CACNA2D1: variants seen among roughly 807,000 people sequenced by gnomAD.
CACNA2D1 encodes voltage-dependent calcium channel subunit alpha-2/delta-1.
In CACNA2D1, 53 loss-of-function variants were observed where a neutral mutation model predicts 171.5. That is an observed-to-expected ratio of 0.31 (90% CI 0.25 to 0.39). The LOEUF is 0.39. Ranked by LOEUF, CACNA2D1 falls within the 10% of genes least tolerant of loss-of-function variation. The pLI is 1.00. For missense variants in CACNA2D1, 903 were observed against 1,299.8 expected (o/e 0.69, Z 4.69); for synonymous variants, 442 against 443.1 (o/e 1.00, Z 0.03).
intron 6 of CACNA2D1, among the ~76,000 whole-genome samples, chr7:82,088,263 T>G (rs2129015492): frequency 6.6e-6 from 1 of 152,280 alleles, no homozygotes; most frequent in Non-Finnish European, 1.5e-5. Context: ...TCTCCTGTTT[T>G]CCTGACACTG....
intron 4 of CACNA2D1, among the ~76,000 whole-genome samples, chr7:82,140,701 G>T (rs1013124148): frequency 1.3e-5 from 2 of 151,916 alleles, no homozygotes; most frequent in Non-Finnish European, 2.9e-5. Flanking sequence ...CATGCCTGTA[G>T]TCCCAGCAGT....
At chr7:82,255,971 C>T (rs778070663) in intron 3 of CACNA2D1, among the ~76,000 whole-genome samples, 36 of 152,212 alleles carry the variant, frequency 2.4e-4, no homozygotes, top group Middle Eastern at 3.4e-3. Context: ...GTGACAGAAG[C>T]CATGAACTAA....
intron 1 of CACNA2D1, among the ~76,000 whole-genome samples, chr7:82,358,900 T>C (rs1820769262): frequency 6.6e-6 from 1 of 152,186 alleles, no homozygotes; most frequent in African/African-American, 2.4e-5. Context: ...CTTTATTTTC[T>C]TCCTCAGCTG....
intron 11 of CACNA2D1, among the ~76,000 whole-genome samples, chr7:82,034,163 T>C (rs1222523145): frequency 6.6e-6 from 1 of 152,098 alleles, no homozygotes; most frequent in African/African-American, 2.4e-5. Context: ...ACACAACATA[T>C]CATTTCAGAT....
intron 1 of CACNA2D1, among the ~76,000 whole-genome samples, chr7:82,374,938 T>A (rs897419496): frequency 6.7e-6 from 1 of 148,914 alleles, no homozygotes; most frequent in African/African-American, 2.6e-5. Flanking sequence ...AAATAAGGGA[T>A]CTCTCTAAAG....
intron 6 of CACNA2D1, among the ~76,000 whole-genome samples, chr7:82,115,621 T>C (rs964043222): frequency 1.3e-5 from 2 of 151,882 alleles, no homozygotes; most frequent in Non-Finnish European, 2.9e-5. Flanking sequence ...AAAACAGTGG[T>C]ACTTTTAAAA....
chr7:82,443,503 G>A lies in CACNA2D1; in HGVS notation c.-44C>T. 6.3e-7 allele frequency: 1 copy of A among 1,595,108 alleles called. No homozygotes were observed. On this transcript the variant is annotated 5_prime_UTR_variant, in exon 1 of 39. Coordinates refer to ENST00000356860, the MANE Select transcript of CACNA2D1 (RefSeq NM_000722.4). The stretch of plus-strand genomic sequence containing the variant: ...ATGCCCCCTCCCTGCCCAAGCGGGG[G>A]AAGGAGCGGCGCTGGAAACCGCGGG...
At chr7:82,352,686 C>T (rs948510302) in intron 1 of CACNA2D1, among the ~76,000 whole-genome samples, 4 of 152,048 alleles carry the variant, frequency 2.6e-5, no homozygotes, top group African/African-American at 7.2e-5. Context: ...AGAGCCAATG[C>T]TTAGTAAGTA....
chr7:82,316,056 T>C (rs1349819807), intron 3 of CACNA2D1, among the ~76,000 whole-genome samples: 1 of 152,032 alleles, frequency 6.6e-6, no homozygotes, highest in East Asian at 1.9e-4. Flanking sequence ...AAAAATCTAA[T>C]ATGTATTTTA....
chr7:82,237,409 A>G (rs1803729404), intron 3 of CACNA2D1, among the ~76,000 whole-genome samples: 1 of 151,934 alleles, frequency 6.6e-6, no homozygotes, highest in African/African-American at 2.4e-5. Flanking sequence ...ACACACAGAT[A>G]TATACTTATA....
intron 4 of CACNA2D1, among the ~76,000 whole-genome samples, chr7:82,141,813 TG>T (rs562288273): frequency 3.4e-4 from 52 of 152,328 alleles, no homozygotes; most frequent in Non-Finnish European, 5.7e-4. Flanking sequence ...TGAGCATATG[TG>T]TTTCTTTCTT....
intron 1 of CACNA2D1, among the ~76,000 whole-genome samples, chr7:82,368,396 G>A (rs1821991041): frequency 6.6e-6 from 1 of 152,200 alleles, no homozygotes; most frequent in South Asian, 2.1e-4. Flanking sequence ...AGCTCATTAA[G>A]TTCTGTGAAG....
chr7:81,978,737 A>T (rs1394231532), intron 24 of CACNA2D1, among the ~76,000 whole-genome samples: 3 of 133,922 alleles, frequency 2.2e-5, no homozygotes, highest in South Asian at 2.5e-4. Flanking sequence ...GTTAAAGTAA[A>T]TTTTTTTTAA....
At chr7:82,265,167 G>GATA (rs1807662439) in intron 3 of CACNA2D1, among the ~76,000 whole-genome samples, 1 of 152,132 alleles carries the variant, frequency 6.6e-6, no homozygotes, top group South Asian at 2.1e-4. Flanking sequence ...TCTGACAGGC[G>GATA]ATACATGGCT....
intron 3 of CACNA2D1, among the ~76,000 whole-genome samples, chr7:82,193,314 C>T (rs1020429270): frequency 8.6e-5 from 13 of 151,942 alleles, no homozygotes; most frequent in East Asian, 1.9e-4. Flanking sequence ...ATGGCAACAT[C>T]ACAATAAAAA....
At chr7:82,162,025 A>C (rs1794995264) in intron 4 of CACNA2D1, among the ~76,000 whole-genome samples, 1 of 152,116 alleles carries the variant, frequency 6.6e-6, no homozygotes, top group Admixed American at 6.6e-5. Context: ...GTTTGAAGAA[A>C]GGAAATACAG....
At chr7:82,069,417 G>A (rs1170635943) in intron 7 of CACNA2D1, among the ~76,000 whole-genome samples, 2 of 152,116 alleles carry the variant, frequency 1.3e-5, no homozygotes, top group African/African-American at 2.4e-5. Context: ...CAATGTAGAC[G>A]TCTCTTTTTT....
At chr7:82,387,230 G>A (rs1824511837) in intron 1 of CACNA2D1, among the ~76,000 whole-genome samples, 1 of 152,004 alleles carries the variant, frequency 6.6e-6, no homozygotes, top group Non-Finnish European at 1.5e-5. Context: ...ATAGAAAATA[G>A]TACTAACAAA....
chr7:81,969,558 C>T (rs1795053050), intron 28 of CACNA2D1, among the ~76,000 whole-genome samples: 1 of 151,236 alleles, frequency 6.6e-6, no homozygotes, highest in South Asian at 2.1e-4. Flanking sequence ...TGGAATTACT[C>T]TATTTAATTC....
Sources: gnomAD v4.1 joint callset for allele counts (sites outside exome capture counted in the v4.1 genomes callset) on GRCh38, gnomAD v4.1.1 for gene constraint, MANE v1.5 for transcripts, NCBI Gene and HGNC (gene_info 2026-07-23, HGNC 2026-07-21) for gene names.